NDRG3: variants seen among roughly 807,000 people sequenced by gnomAD.
NDRG3 encodes NDRG family member 3.
In NDRG3, 23 loss-of-function variants were observed where a neutral mutation model predicts 57.2. That is an observed-to-expected ratio of 0.40 (90% CI 0.29 to 0.57). The LOEUF (loss-of-function observed/expected upper bound fraction) is 0.57. Among genes scored for constraint, NDRG3 ranks in the 20% least tolerant of loss-of-function variants. The pLI is 0.42. For synonymous variants in NDRG3, 132 were observed against 162.6 expected (o/e 0.81, Z 1.43); for missense variants, 384 against 457.3 (o/e 0.84, Z 1.46).
intron 1 of NDRG3, among the ~76,000 whole-genome samples, chr20:36,722,689 TCA>T (rs1174769249): frequency 3.3e-5 from 5 of 152,140 alleles, no homozygotes; most frequent in African/African-American, 1.2e-4. Context: ...ATTTGGGGAA[TCA>T]CAGCAGTGGG....
chr20:36,740,230 C>G (rs577273288), intron 1 of NDRG3, among the ~76,000 whole-genome samples: 1 of 152,330 alleles, frequency 6.6e-6, no homozygotes, highest in South Asian at 2.1e-4. Context: ...GATACCAGCT[C>G]CATATCAATA....
intron 2 of NDRG3, among the ~76,000 whole-genome samples, chr20:36,721,474 A>G (rs1315600448): frequency 2.0e-5 from 3 of 151,992 alleles, no homozygotes; most frequent in Non-Finnish European, 1.5e-5. Flanking sequence ...GGTTGCAGTG[A>G]GCCGAGATTG....
intron 9 of NDRG3, among the ~76,000 whole-genome samples, chr20:36,670,893 GA>G (rs1164417461): frequency 2.0e-5 from 3 of 152,138 alleles, no homozygotes; most frequent in African/African-American, 7.2e-5. Flanking sequence ...TTATGAACAC[GA>G]TAACTGCCAC....
At chr20:36,671,201 C>T (rs1012394156) in intron 9 of NDRG3, 140 bp downstream of exon 9, 4 of 676,926 alleles carry the variant, frequency 5.9e-6, no homozygotes, top group African/African-American at 3.7e-5. Context: ...TTTGCAGGGC[C>T]ACATGCCTTT....
intron 13 of NDRG3, among the ~76,000 whole-genome samples, chr20:36,657,731 G>GA (rs1197335567): frequency 2.0e-5 from 3 of 152,174 alleles, no homozygotes. Context: ...CTACTGAGGA[G>GA]AATGCCACAG....
chr20:36,703,320 C>A (rs1343618400), intron 3 of NDRG3, among the ~76,000 whole-genome samples: 2 of 151,690 alleles, frequency 1.3e-5, no homozygotes, highest in African/African-American at 2.4e-5. Context: ...ATATAGTTTA[C>A]ATGTATGTGT....
intron 1 of NDRG3, among the ~76,000 whole-genome samples, chr20:36,734,512 T>C (rs1486186081): frequency 6.6e-6 from 1 of 152,088 alleles, no homozygotes; most frequent in Non-Finnish European, 1.5e-5. Context: ...AAAGCACAGA[T>C]GGGGGACTGG....
chr20:36,676,022 T>G (rs1980665134), intron 8 of NDRG3, among the ~76,000 whole-genome samples: 1 of 151,998 alleles, frequency 6.6e-6, no homozygotes, highest in East Asian at 1.9e-4. Context: ...GGGCGGATCA[T>G]GAGGTCAGGA....
intron 4 of NDRG3, 122 bp downstream of exon 4, chr20:36,688,557 G>A (rs1036603450): frequency 1.4e-6 from 1 of 711,498 alleles, no homozygotes; most frequent in African/African-American, 1.8e-5. Flanking sequence ...GTAGGAACAA[G>A]GAGGGAAAGT....
chr20:36,712,562 T>TAC (rs1983961014), intron 2 of NDRG3, among the ~76,000 whole-genome samples: 1 of 14,750 alleles, frequency 6.8e-5, no homozygotes. Flanking sequence ...TGCCCGGCTA[T>TAC]ATATATATAT....
chr20:36,723,696 G>GTC (rs532472629), intron 1 of NDRG3, among the ~76,000 whole-genome samples: 2 of 149,130 alleles, frequency 1.3e-5, no homozygotes, highest in African/African-American at 4.9e-5. Context: ...GTGTGTGTGT[G>GTC]TGTCTGGTGT....
chr20:36,654,926 G>A (rs985841507), intron 15 of NDRG3: 5 of 771,072 alleles, frequency 6.5e-6, no homozygotes, highest in Non-Finnish European at 1.2e-5. Context: ...GACACTGACA[G>A]AATACTCTAA....
chr20:36,711,636 G>A (rs762885844), intron 2 of NDRG3, among the ~76,000 whole-genome samples: 6 of 152,166 alleles, frequency 3.9e-5, no homozygotes, highest in Non-Finnish European at 8.8e-5. Flanking sequence ...AAAGCAGAAA[G>A]CCAATGCCCT....
chr20:36,702,860 T>C (rs1162562544), intron 3 of NDRG3, among the ~76,000 whole-genome samples: 1 of 152,042 alleles, frequency 6.6e-6, no homozygotes, highest in African/African-American at 2.4e-5. Flanking sequence ...AGTTTTGTAT[T>C]TTCAATAGAG....
At chr20:36,671,196 A>G in intron 9 of NDRG3, 145 bp downstream of exon 9, 1 of 658,512 alleles carries the variant, frequency 1.5e-6, no homozygotes, top group East Asian at 2.7e-5. Flanking sequence ...TCACCTTTGC[A>G]GGGCCACATG....
intron 6 of NDRG3, among the ~76,000 whole-genome samples, chr20:36,683,478 A>C (rs981550025): frequency 2.0e-5 from 3 of 151,840 alleles, no homozygotes; most frequent in Non-Finnish European, 4.4e-5. Context: ...TTAGCCAGGC[A>C]TGGTGGCCTG....
intron 1 of NDRG3, among the ~76,000 whole-genome samples, chr20:36,733,434 T>C (rs527761603): frequency 6.6e-6 from 1 of 151,506 alleles, no homozygotes; most frequent in Non-Finnish European, 1.5e-5. Context: ...CAAAACAGAA[T>C]GAAGGTATGG....
At chr20:36,654,679 G>A (rs1600845193) in intron 15 of NDRG3, 5 of 703,774 alleles carry the variant, frequency 7.1e-6, no homozygotes, top group Admixed American at 6.0e-5. Context: ...AATCTCTTGG[G>A]GCGTACTGAG....
chr20:36,656,673 C>T (rs942888191), intron 13 of NDRG3, 141 bp from the exon 14 acceptor site: 18 of 777,774 alleles, frequency 2.3e-5, no homozygotes, highest in South Asian at 3.3e-5. Flanking sequence ...AATGCACCTA[C>T]GTACAAACAT....
Sources: allele counts gnomAD v4.1 joint callset (sites outside exome capture counted in the v4.1 genomes callset), GRCh38; gene constraint gnomAD v4.1.1; transcripts MANE v1.5; gene names NCBI Gene and HGNC (gene_info 2026-07-23, HGNC 2026-07-21).